The following FGD5 variants were observed in gnomAD, a reference collection of about 807,000 sequenced individuals.
FGD5 encodes FYVE, RhoGEF and PH domain containing 5, also known as FYVE, RhoGEF and PH domain-containing protein 5.
FGD5 carries 28 observed loss-of-function variants against 133.4 expected under a neutral mutation model. The ratio of observed to expected loss-of-function variants is 0.21; its 90% CI spans 0.16 to 0.29. The LOEUF (loss-of-function observed/expected upper bound fraction) is 0.29. Ranked by LOEUF, FGD5 falls within the 10% of genes least tolerant of loss-of-function variation. The pLI, the probability that FGD5 is intolerant of heterozygous loss-of-function variation, is 1.00. For missense variants in FGD5, 1,858 were observed against 1,895.2 expected, an observed-to-expected ratio of 0.98 and a Z score of 0.36; for synonymous variants, 810 against 776.5, an observed-to-expected ratio of 1.04 and a Z score of -0.72.
At chr3:14,858,906 C>T (rs1313983641) in intron 1 of FGD5, among the ~76,000 whole-genome samples, 1 of 152,158 alleles carries the variant, frequency 6.6e-6, no homozygotes, top group Non-Finnish European at 1.5e-5. Flanking sequence ...CGTAGCAATA[C>T]CAGGGTCGAT....
chr3:14,859,327 C>T (rs898444741), intron 1 of FGD5, among the ~76,000 whole-genome samples: 1 of 152,048 alleles, frequency 6.6e-6, no homozygotes, highest in Non-Finnish European at 1.5e-5. Context: ...GAGGCTGAGG[C>T]GGGCAGATCG....
chr3:14,868,298 CA>C (rs1219986342), intron 2 of FGD5, among the ~76,000 whole-genome samples: 1 of 152,002 alleles, frequency 6.6e-6, no homozygotes. Context: ...GTCTCATGGC[CA>C]CATTTGTTTC....
At position 14,880,498 on chromosome 3, in the gene FGD5, C is replaced by T. The variant is rs564368988; in HGVS notation, c.2659-74C>T. The T allele has an allele frequency of 7.4e-6, 11 of 1,477,252 alleles. No homozygotes were observed. In the African/African-American group the frequency reaches 1.3e-4, roughly 17 times the overall value. 91.5% of individuals were successfully genotyped at this position (1,477,252 alleles called of 1,614,324 possible). On this transcript the variant is annotated intron_variant, in intron 2 of 19. Transcript: ENST00000285046. ...GGTCTGCAAAATGCTTGGAACTTGC[C>T]TCCAGCAGCATGGTGGCCTCCTCTA...
intron 13 of FGD5, chr3:14,921,404 C>G (rs2125154347): frequency 6.3e-6 from 1 of 157,776 alleles, no homozygotes; most frequent in East Asian, 1.8e-4. Flanking sequence ...TCAGGAAGCC[C>G]TCCCTGGTGC....
intron 1 of FGD5, among the ~76,000 whole-genome samples, chr3:14,863,680 G>A (rs1359854133): frequency 6.6e-6 from 1 of 152,196 alleles, no homozygotes; most frequent in Admixed American, 6.5e-5. Context: ...CTAGCCGATG[G>A]CAAGGCCGGG....
At chr3:14,860,296 G>C (rs2037373071) in intron 1 of FGD5, among the ~76,000 whole-genome samples, 1 of 152,206 alleles carries the variant, frequency 6.6e-6, no homozygotes, top group South Asian at 2.1e-4. Context: ...GCTTCAGCGG[G>C]GCTTCCTTTA....
chr3:14,880,541 T>TC, intron 2 of FGD5, 31 bp from the exon 3 acceptor site: 1 of 1,611,130 alleles, frequency 6.2e-7, no homozygotes, highest in Non-Finnish European at 8.5e-7. Context: ...CTGATGCCTG[T>TC]CCCACCTGAT....
chr3:14,926,498 G>T (rs922633674), intron 18 of FGD5, among the ~76,000 whole-genome samples: 1 of 152,206 alleles, frequency 6.6e-6, no homozygotes, highest in Admixed American at 6.5e-5. Context: ...GACAAAGATG[G>T]AACAAGCCAG....
At chr3:14,924,234 C>T in intron 17 of FGD5, 96 bp downstream of exon 17, 1 of 1,570,906 alleles carries the variant, frequency 6.4e-7, no homozygotes, top group Non-Finnish European at 8.7e-7. Context: ...CTGTCCCAGC[C>T]TGACCAGTCT....
intron 1 of FGD5, among the ~76,000 whole-genome samples, chr3:14,840,410 G>A (rs2036898783): frequency 6.6e-6 from 1 of 152,158 alleles, no homozygotes; most frequent in South Asian, 2.1e-4. Flanking sequence ...CTCCCAAAGT[G>A]CTGGGATTAC....
At position 14,856,034 on chromosome 3, in the gene FGD5, C is replaced by T. The variant is rs189850269; in HGVS notation, c.2526-8094C>T. On this transcript the variant is annotated intron_variant, in intron 1 of 19. Coordinates refer to ENST00000285046, the MANE Select transcript of FGD5 (RefSeq NM_152536.4). ...GGTCTTACATTTAGGTCTTTGATCC[C>T]TTTTGAGGTTGATTTTTTTTATAGC... Among the ~76,000 whole-genome samples, 194 of 152,090 alleles carry T rather than the reference C, an allele frequency of 1.3e-3. 3 individuals carry two copies. Among genetic ancestry groups the T allele is most frequent in the Non-Finnish European group, 6.0e-4 (41 of 67,982 alleles).
At chr3:14,816,788 T>C (rs144282359), upstream of FGD5, among the ~76,000 whole-genome samples, 558 of 152,348 alleles carry the variant, frequency 3.7e-3, 3 homozygotes, top group African/African-American at 0.012. Context: ...TGGGTCATTG[T>C]ATGGATGTCA....
chr3:14,838,067 T>G (rs998686104), intron 1 of FGD5, among the ~76,000 whole-genome samples: 1 of 152,230 alleles, frequency 6.6e-6, no homozygotes, highest in Non-Finnish European at 1.5e-5. Context: ...GGCCCTCATC[T>G]AGAGACTGTG....
intron 1 of FGD5, among the ~76,000 whole-genome samples, chr3:14,825,289 G>A (rs1373279657): frequency 6.6e-6 from 1 of 152,066 alleles, no homozygotes; most frequent in Non-Finnish European, 1.5e-5. Flanking sequence ...ACAAAAGAAG[G>A]TTTTATCATT....
intron 11 of FGD5, among the ~76,000 whole-genome samples, chr3:14,912,564 C>T (rs941828468): frequency 1.3e-5 from 2 of 152,194 alleles, no homozygotes; most frequent in African/African-American, 4.8e-5. Flanking sequence ...TGCTTACACA[C>T]CTCCAGTGTT....
chr3:14,922,557 C>A lies in FGD5; in HGVS notation c.3807+9C>A, dbSNP rs771417537. ...GTCACGCCTGTGGCAAGGTGAGTCG[C>A]TGCATCTGGGGTGAGTGTGTGCATG... On this transcript the variant is annotated intron_variant, in intron 15 of 19. Coordinates refer to ENST00000285046, the MANE Select transcript of FGD5 (RefSeq NM_152536.4). This position sits in a 1 kb window ranked among gnomAD's most constrained non-coding sequence, Gnocchi z 4.1. The A allele has an allele frequency of 8.9e-6, 14 of 1,569,462 alleles. No individual in the cohort carries two copies. The African/African-American group carries it at 1.5e-4, about 17-fold the overall frequency.
At chr3:14,903,574 T>A (rs13067892) in intron 9 of FGD5, among the ~76,000 whole-genome samples, 17,699 of 144,374 alleles carry the variant, frequency 0.12, 1,422 homozygotes, top group East Asian at 0.42. Flanking sequence ...TCATTGTTCA[T>A]TTCCCACCTG....
chr3:14,831,285 C>T (rs552464143), intron 1 of FGD5, among the ~76,000 whole-genome samples: 18 of 152,268 alleles, frequency 1.2e-4, no homozygotes, highest in Admixed American at 3.9e-4. Context: ...AGAAGTGTTA[C>T]GATCCAAAGA....
chr3:14,820,548 G>A lies in FGD5; in HGVS notation c.1477G>A (p.Val493Ile). ...RPHSGKVAGY[V>I]PETVPEETGP... ...CCACTCTGGGAAGGTGGCCGGCTAT[G>A]TCCCAGAAACCGTCCCTGAAGAAAC... The change falls in exon 1 of 20, where the codon GTC becomes ATC. Residue 493 changes from valine (V) to isoleucine (I), a missense_variant. Coordinates refer to ENST00000285046, the MANE Select transcript of FGD5 (RefSeq NM_152536.4). 6.2e-7 allele frequency: 1 copy of A among 1,613,548 alleles called. No individual in the cohort carries two copies. Among genetic ancestry groups the A allele is most frequent in the Non-Finnish European group, 8.5e-7 (1 of 1,179,652 alleles).
Sources: gnomAD v4.1 joint callset for allele counts (sites outside exome capture counted in the v4.1 genomes callset) on GRCh38, gnomAD v4.1.1 for gene constraint, Gnocchi (gnomAD v3.1) non-coding constraint, MANE v1.5 for transcripts, NCBI Gene and HGNC (gene_info 2026-07-23, HGNC 2026-07-21) for gene names.